SCFD2: variants seen among roughly 807,000 people sequenced by gnomAD.
The protein encoded by SCFD2 is sec1 family domain-containing protein 2.
A neutral mutation model predicts 58.9 loss-of-function variants in SCFD2; 54 were observed. That is an observed-to-expected ratio of 0.92 (90% confidence interval 0.74 to 1.15). SCFD2 has a LOEUF of 1.15. Ranked by LOEUF, SCFD2 falls within the 50% of genes most tolerant of loss-of-function variation. The pLI is 0.00. For synonymous variants in SCFD2, 321 were observed against 335.9 expected, an observed-to-expected ratio of 0.96 and a Z score of 0.49; for missense variants, 805 against 836.6, an observed-to-expected ratio of 0.96 and a Z score of 0.47.
chr4:53,271,234 TA>T (rs952141802), intron 4 of SCFD2, among the ~76,000 whole-genome samples: 3 of 151,938 alleles, frequency 2.0e-5, no homozygotes, highest in African/African-American at 7.3e-5. Flanking sequence ...TAACAATATA[TA>T]ACAGGAGACA....
intron 3 of SCFD2, among the ~76,000 whole-genome samples, chr4:53,275,260 T>C (rs916639097): frequency 2.6e-5 from 4 of 152,230 alleles, no homozygotes; most frequent in African/African-American, 9.6e-5. Context: ...GCCTACAACA[T>C]ATCTTTCTAT....
At chr4:53,323,997 C>G (rs1043182161) in intron 2 of SCFD2, among the ~76,000 whole-genome samples, 25 of 152,104 alleles carry the variant, frequency 1.6e-4, no homozygotes, top group Non-Finnish European at 7.3e-5. Flanking sequence ...AACAAGCACA[C>G]AGGTCTTGAA....
rs188347709 is a variant in SCFD2 at position 53,291,490 on chromosome 4, G to A, written c.1136-17489C>T. On this transcript the variant is annotated intron_variant, in intron 3 of 8. Transcript: ENST00000401642. ...GGAAATCACAGGACACAAGTGAATGGAAAAACATTCCATGCTCATGGAGAG... is the reference window on the plus strand; with the variant it reads ...GGAAATCACAGGACACAAGTGAATGAAAAAACATTCCATGCTCATGGAGAG... 2.2e-3 allele frequency among the ~76,000 whole-genome samples: 339 copies of A among 152,034 alleles called. 5 individuals are homozygous for A. The highest frequency in any genetic ancestry group is 3.4e-3 in the Middle Eastern group (1 of 294).
At chr4:52,936,418 A>G (rs1413031925) in intron 5 of SCFD2, among the ~76,000 whole-genome samples, 2 of 152,172 alleles carry the variant, frequency 1.3e-5, no homozygotes, top group Non-Finnish European at 2.9e-5. Context: ...AAAACCTGAT[A>G]TATTGTCTCT....
chr4:53,154,787 T>C (rs898449785), intron 4 of SCFD2, among the ~76,000 whole-genome samples: 2 of 152,222 alleles, frequency 1.3e-5, no homozygotes, highest in African/African-American at 2.4e-5. Flanking sequence ...AGGGCCAATC[T>C]AATCATATGA....
chr4:53,093,730 T>C (rs1345899784), intron 5 of SCFD2, among the ~76,000 whole-genome samples: 1 of 140,318 alleles, frequency 7.1e-6, no homozygotes, highest in Non-Finnish European at 1.5e-5. Flanking sequence ...TTCAATGCTA[T>C]GATTTGTATT....
At chr4:53,342,152 C>T (rs553800759) in intron 2 of SCFD2, among the ~76,000 whole-genome samples, 55 of 152,252 alleles carry the variant, frequency 3.6e-4, no homozygotes, top group African/African-American at 6.0e-4. Context: ...AATTAAAAGA[C>T]ATAGACTGGC....
chr4:52,943,094 T>C (rs1720333950), intron 5 of SCFD2, among the ~76,000 whole-genome samples: 1 of 152,142 alleles, frequency 6.6e-6, no homozygotes, highest in South Asian at 2.1e-4. Flanking sequence ...TTCAAGATGG[T>C]ATGCCTGACA....
At chr4:52,947,315 A>G (rs1720456542) in intron 5 of SCFD2, among the ~76,000 whole-genome samples, 2 of 152,162 alleles carry the variant, frequency 1.3e-5, no homozygotes, top group Admixed American at 1.3e-4. Context: ...TCCGGCCTTC[A>G]TAGGCTTATG....
intron 3 of SCFD2, among the ~76,000 whole-genome samples, chr4:53,288,319 G>C (rs1731734464): frequency 6.6e-6 from 1 of 152,092 alleles, no homozygotes; most frequent in African/African-American, 2.4e-5. Context: ...AATGGAGAAA[G>C]GCATAGAAGC....
chr4:52,893,741 GC>G (rs1329493849), intron 7 of SCFD2, among the ~76,000 whole-genome samples: 3 of 152,198 alleles, frequency 2.0e-5, no homozygotes, highest in African/African-American at 7.2e-5. Flanking sequence ...CAAAGCTGTG[GC>G]AATAGCTACT....
intron 5 of SCFD2, among the ~76,000 whole-genome samples, chr4:53,053,041 A>T (rs1577688493): frequency 1.3e-5 from 2 of 152,230 alleles, no homozygotes; most frequent in East Asian, 3.9e-4. Context: ...GTTCACCAAC[A>T]TGGTGAAACC....
At chr4:53,188,575 G>T (rs771332580) in intron 4 of SCFD2, among the ~76,000 whole-genome samples, 5 of 152,072 alleles carry the variant, frequency 3.3e-5, no homozygotes, top group Admixed American at 6.6e-5. Context: ...CAAGGAAGGA[G>T]CAGGCACATC....
intron 5 of SCFD2, among the ~76,000 whole-genome samples, chr4:52,946,093 G>A (rs766069463): frequency 3.9e-5 from 6 of 152,144 alleles, no homozygotes; most frequent in Non-Finnish European, 7.4e-5. Context: ...AAAAAATTGA[G>A]ACAATAAGAC....
At chr4:52,878,910 C>T (rs1718541633) in intron 8 of SCFD2, among the ~76,000 whole-genome samples, 1 of 152,152 alleles carries the variant, frequency 6.6e-6, no homozygotes, top group Non-Finnish European at 1.5e-5. Flanking sequence ...AGAACCTAAA[C>T]CTGGTCTTCC....
intron 4 of SCFD2, among the ~76,000 whole-genome samples, chr4:53,264,801 T>C (rs1730931121): frequency 6.6e-6 from 1 of 152,194 alleles, no homozygotes; most frequent in Non-Finnish European, 1.5e-5. Flanking sequence ...TAACATTCAA[T>C]ATATTTTAAA....
chr4:53,248,699 T>A (rs141709201), intron 4 of SCFD2, among the ~76,000 whole-genome samples: 1 of 152,110 alleles, frequency 6.6e-6, no homozygotes. Context: ...CCTCAGGGTC[T>A]GGAGTAGACC....
In SCFD2 at chr4:53,365,313, G is replaced by A; in HGVS notation, c.629C>T (p.Pro210Leu). Residue 210 changes from proline (P) to leucine (L), a missense_variant, in exon 1 of 9, where the codon CCA becomes CTA. Pro to Leu is a moderately conservative substitution (Grantham distance 98, BLOSUM62 -3). Coordinates refer to ENST00000401642, the MANE Select transcript of SCFD2 (RefSeq NM_152540.4). This position sits in a 1 kb window ranked among gnomAD's most constrained non-coding sequence, Gnocchi z 4.3. ...LGDVDSTTLT[P>L]ELLLQIRCLV... ...GCATCTGATCTGCAGCAGCAGCTCT[G>A]GGGTTAGCGTAGTGGAGTCCACATC... 1 of 1,614,184 alleles carries A rather than the reference G, an allele frequency of 6.2e-7. No individual in the cohort carries two copies. The highest frequency in any genetic ancestry group is 8.5e-7 in the Non-Finnish European group (1 of 1,180,038).
chr4:53,137,646 C>T (rs1333621950), intron 5 of SCFD2, among the ~76,000 whole-genome samples: 1 of 152,152 alleles, frequency 6.6e-6, no homozygotes, highest in African/African-American at 2.4e-5. Flanking sequence ...CATTCTCTAG[C>T]TTTACACTAA....
Sources: gnomAD v4.1 joint callset for allele counts (sites outside exome capture counted in the v4.1 genomes callset) on GRCh38, gnomAD v4.1.1 for gene constraint, Gnocchi (gnomAD v3.1) non-coding constraint, MANE v1.5 for transcripts, NCBI Gene and HGNC (gene_info 2026-07-23, HGNC 2026-07-21) for gene names.